The following RPS6KB1 variants were observed in gnomAD, a reference collection of about 807,000 sequenced individuals.
The protein encoded by RPS6KB1 is ribosomal protein S6 kinase B1, also known as ribosomal protein S6 kinase beta-1.
A neutral mutation model predicts 70.2 loss-of-function variants in RPS6KB1; 12 were observed. The ratio of observed to expected loss-of-function variants is 0.17; its 90% CI spans 0.11 to 0.28. The LOEUF (loss-of-function observed/expected upper bound fraction) is 0.28, where lower values mean the gene tolerates loss of function less well. Among genes scored for constraint, RPS6KB1 ranks in the 10% least tolerant of loss-of-function variants. The pLI is 1.00. For synonymous variants in RPS6KB1, 175 were observed against 211.2 expected (o/e 0.83, Z 1.49); for missense variants, 270 against 646.6 (o/e 0.42, Z 6.32).
At chr17:59,898,271 C>G (rs1038955446) in intron 1 of RPS6KB1, among the ~76,000 whole-genome samples, 4 of 152,048 alleles carry the variant, frequency 2.6e-5, no homozygotes, top group African/African-American at 9.7e-5. Flanking sequence ...CGCAGGCTTA[C>G]TGTACAAGTT....
chr17:59,926,384 G>A (rs1178712019), intron 4 of RPS6KB1, 51 bp from the exon 5 acceptor site: 3 of 1,281,008 alleles, frequency 2.3e-6, no homozygotes, highest in South Asian at 2.9e-5. Context: ...ATAGATTATA[G>A]AATAAAAATG....
intron 12 of RPS6KB1, among the ~76,000 whole-genome samples, chr17:59,937,455 A>G (rs754026382): frequency 7.9e-5 from 12 of 152,216 alleles, no homozygotes; most frequent in Non-Finnish European, 1.8e-4. Context: ...TCTGGAGACT[A>G]GAAGTTCTAG....
At chr17:59,912,458 G>A (rs1166745034) in intron 2 of RPS6KB1, 8 of 414,842 alleles carry the variant, frequency 1.9e-5, no homozygotes, top group Non-Finnish European at 3.5e-5. Context: ...ATAAAAATAA[G>A]TAAATAATTG....
chr17:59,917,582 G>A (rs1450642392), intron 4 of RPS6KB1, among the ~76,000 whole-genome samples: 1 of 152,050 alleles, frequency 6.6e-6, no homozygotes, highest in Admixed American at 6.6e-5. Flanking sequence ...GACTGCAGAT[G>A]CATGCCACCA....
intron 1 of RPS6KB1, among the ~76,000 whole-genome samples, chr17:59,900,215 C>CACACAG (rs1259114726): frequency 7.5e-6 from 1 of 134,106 alleles, no homozygotes; most frequent in Non-Finnish European, 1.6e-5. Flanking sequence ...CACACACACA[C>CACACAG]ACACACACAC....
At position 59,946,498 on chromosome 17, in the gene RPS6KB1, C is replaced by T. The variant is rs1209737659; in HGVS notation, c.1341-53C>T. 31 of 1,301,288 alleles carry T rather than the reference C, an allele frequency of 2.4e-5. No individual in the cohort carries two copies. Among genetic ancestry groups the T allele is most frequent in the Non-Finnish European group, 3.1e-5 (28 of 897,930 alleles). 80.6% of individuals were successfully genotyped at this position (1,301,288 alleles called of 1,614,324 possible). A position where few individuals can be genotyped will look rare whatever the true frequency, so the allele number is the denominator to read the frequency against. On this transcript the variant is annotated intron_variant, in intron 14 of 14. Transcript: ENST00000225577. The surrounding 1 kb of genome is among the most constrained non-coding windows in gnomAD (Gnocchi z 4.2). ...CCCTTTAAACGTAAAGGAAATATGT[C>T]TTGTTGAGATGACCCTTAAGCAAAT...
rs150526840 is a variant in RPS6KB1 at position 59,897,715 on chromosome 17, C to A, written c.141+4390C>A. On this transcript the variant is annotated intron_variant, in intron 1 of 14. Transcript: ENST00000225577. ...GGCACAGTGGCTCATGCCTGTAATC[C>A]CAGCACTTTGGGAGGCCGAGGCAGG... 1.5e-3 allele frequency among the ~76,000 whole-genome samples: 224 copies of A among 152,180 alleles called. 2 individuals are homozygous for A. The highest frequency in any genetic ancestry group is 6.8e-3 in the Middle Eastern group (2 of 294).
chr17:59,895,614 A>C (rs919710499), intron 1 of RPS6KB1, among the ~76,000 whole-genome samples: 6 of 151,354 alleles, frequency 4.0e-5, no homozygotes, highest in African/African-American at 1.5e-4. Flanking sequence ...GAGCCACCCC[A>C]CCAGGCTTTT....
intron 1 of RPS6KB1, among the ~76,000 whole-genome samples, chr17:59,902,353 C>G (rs928183516): frequency 6.6e-6 from 1 of 151,938 alleles, no homozygotes; most frequent in Non-Finnish European, 1.5e-5. Context: ...GATCCGCCTG[C>G]CTTGGCCTCT....
chr17:59,894,641 A>G (rs543051414), intron 1 of RPS6KB1, among the ~76,000 whole-genome samples: 66 of 152,316 alleles, frequency 4.3e-4, no homozygotes, highest in African/African-American at 7.5e-4. Context: ...GTCTCACTCT[A>G]TCACCCAGAC....
At chr17:59,922,737 G>GAA (rs1486965286) in intron 4 of RPS6KB1, among the ~76,000 whole-genome samples, 6 of 151,140 alleles carry the variant, frequency 4.0e-5, no homozygotes, top group African/African-American at 1.5e-4. Flanking sequence ...GTAGAGATGG[G>GAA]GTTTCACCAT....
intron 1 of RPS6KB1, among the ~76,000 whole-genome samples, chr17:59,900,897 C>A (rs2041896690): frequency 6.6e-6 from 1 of 151,676 alleles, no homozygotes; most frequent in Non-Finnish European, 1.5e-5. Context: ...CGCAGTGGCT[C>A]AGGCCTGTAA....
intron 1 of RPS6KB1, among the ~76,000 whole-genome samples, chr17:59,905,907 C>T (rs1191375672): frequency 6.6e-6 from 1 of 152,036 alleles, no homozygotes; most frequent in Non-Finnish European, 1.5e-5. Context: ...CATCCTGCCT[C>T]AGCCTCCTCG....
chr17:59,912,860 A>G (rs2042729679), intron 3 of RPS6KB1, 56 bp downstream of exon 3: 7 of 1,577,720 alleles, frequency 4.4e-6, no homozygotes, highest in East Asian at 2.2e-5. Context: ...ATTGATTTTT[A>G]TGCCCTGGTT....
chr17:59,932,849 C>A (rs985682674), intron 7 of RPS6KB1, among the ~76,000 whole-genome samples: 6 of 152,082 alleles, frequency 3.9e-5, no homozygotes, highest in Admixed American at 3.3e-4. Context: ...CACCTTCCCC[C>A]CAGCCAGAAT....
At chr17:59,924,058 G>C (rs1361580685) in intron 4 of RPS6KB1, among the ~76,000 whole-genome samples, 2 of 150,322 alleles carry the variant, frequency 1.3e-5, no homozygotes, top group Non-Finnish European at 3.0e-5. Flanking sequence ...TTCTCGCTGG[G>C]TGCAGTGGCT....
At chr17:59,943,528 C>G (rs950877278) in intron 13 of RPS6KB1, among the ~76,000 whole-genome samples, 2 of 152,088 alleles carry the variant, frequency 1.3e-5, no homozygotes, top group Admixed American at 6.5e-5. Flanking sequence ...TAGAGCAACT[C>G]ATTTGTTAGG....
intron 1 of RPS6KB1, among the ~76,000 whole-genome samples, chr17:59,909,782 G>A (rs976573827): frequency 1.3e-5 from 2 of 151,994 alleles, no homozygotes; most frequent in African/African-American, 4.8e-5. Flanking sequence ...GGGAGGCTGA[G>A]GTGGGCAGAT....
intron 1 of RPS6KB1, among the ~76,000 whole-genome samples, chr17:59,895,488 C>A (rs11655755): frequency 0.14 from 21,548 of 150,288 alleles, 1,672 homozygotes; most frequent in Middle Eastern, 0.19. Context: ...CACCTGGCTA[C>A]TTTTTTTGTA....
Sources: gnomAD v4.1 joint callset for allele counts (sites outside exome capture counted in the v4.1 genomes callset) on GRCh38, gnomAD v4.1.1 for gene constraint, Gnocchi (gnomAD v3.1) non-coding constraint, MANE v1.5 for transcripts, NCBI Gene and HGNC (gene_info 2026-07-23, HGNC 2026-07-21) for gene names.